ADAMTSL3: variants seen among roughly 807,000 people sequenced by gnomAD.
ADAMTSL3 encodes the protein ADAMTS like 3.
ADAMTSL3 carries 128 observed loss-of-function variants against 201.7 expected under a neutral mutation model. The ratio of observed to expected loss-of-function variants is 0.63; its 90% CI spans 0.55 to 0.73. ADAMTSL3 has a LOEUF of 0.73. ADAMTSL3 is among the 30% of genes least tolerant of loss of function. The pLI, the probability that ADAMTSL3 is intolerant of heterozygous loss-of-function variation, is 0.00. For missense variants in ADAMTSL3, 1,990 were observed against 2,119.6 expected (o/e 0.94, Z 1.20); for synonymous variants, 738 against 748.4 (o/e 0.99, Z 0.23).
intron 2 of ADAMTSL3, among the ~76,000 whole-genome samples, chr15:83,681,195 A>AT (rs1436194002): frequency 6.6e-6 from 1 of 152,124 alleles, no homozygotes; most frequent in Admixed American, 6.6e-5. Flanking sequence ...TACAGAAAGG[A>AT]TTTTTTCTTG....
chr15:83,896,996 G>A (rs2065628075), intron 13 of ADAMTSL3, among the ~76,000 whole-genome samples: 1 of 152,116 alleles, frequency 6.6e-6, no homozygotes, highest in Admixed American at 6.5e-5. Context: ...ACTATCATGA[G>A]ACCAGCATGG....
intron 8 of ADAMTSL3, 135 bp from the exon 9 acceptor site, chr15:83,870,667 T>C (rs2065063384): frequency 1.4e-6 from 1 of 698,666 alleles, no homozygotes; most frequent in East Asian, 3.1e-5. Context: ...CCAATATCAA[T>C]GAATGTTTGT....
intron 2 of ADAMTSL3, among the ~76,000 whole-genome samples, chr15:83,670,211 T>C (rs2061311849): frequency 7.6e-6 from 1 of 132,374 alleles, no homozygotes; most frequent in African/African-American, 3.0e-5. Context: ...TGAGCTGAGA[T>C]TGCGCCACTG....
chr15:83,806,275 C>G (rs2063601570), intron 5 of ADAMTSL3, among the ~76,000 whole-genome samples: 2 of 152,170 alleles, frequency 1.3e-5, no homozygotes, highest in African/African-American at 4.8e-5. Context: ...CATGTACCTC[C>G]AGCTTAAGAA....
intron 17 of ADAMTSL3, among the ~76,000 whole-genome samples, chr15:83,925,386 T>C (rs1031768482): frequency 6.6e-6 from 1 of 152,224 alleles, no homozygotes; most frequent in African/African-American, 2.4e-5. Context: ...TAGAGCCATC[T>C]GGCTGTGCGT....
chr15:83,661,777 C>A (rs1339628701), intron 2 of ADAMTSL3, among the ~76,000 whole-genome samples: 1 of 151,126 alleles, frequency 6.6e-6, no homozygotes, highest in Admixed American at 6.6e-5. Flanking sequence ...TGAACAGAAA[C>A]TTCTCAAAAG....
chr15:83,695,234 GTGT>G (rs2061669134), intron 2 of ADAMTSL3, among the ~76,000 whole-genome samples: 2 of 660 alleles, frequency 3.0e-3, no homozygotes, highest in African/African-American at 5.2e-3. Flanking sequence ...TGTAATGTGT[GTGT>G]GTGTGTGTGT....
intron 3 of ADAMTSL3, among the ~76,000 whole-genome samples, chr15:83,746,088 G>T (rs1031686861): frequency 6.6e-6 from 1 of 152,130 alleles, no homozygotes; most frequent in African/African-American, 2.4e-5. Context: ...TACTCAGTGG[G>T]TTGGCCGTTC....
chr15:83,864,150 C>T (rs2064926315), intron 8 of ADAMTSL3, among the ~76,000 whole-genome samples: 1 of 152,088 alleles, frequency 6.6e-6, no homozygotes, highest in South Asian at 2.1e-4. Flanking sequence ...AAGTCCAGGA[C>T]CAGATGGATT....
At chr15:83,751,128 T>C (rs1244523248) in intron 3 of ADAMTSL3, among the ~76,000 whole-genome samples, 1 of 152,196 alleles carries the variant, frequency 6.6e-6, no homozygotes, top group Admixed American at 6.5e-5. Flanking sequence ...TGGTTTGTTC[T>C]GTAATTACAG....
At chr15:83,934,767 A>C (rs2066430777) in intron 17 of ADAMTSL3, among the ~76,000 whole-genome samples, 1 of 152,188 alleles carries the variant, frequency 6.6e-6, no homozygotes, top group Non-Finnish European at 1.5e-5. Flanking sequence ...ATTCATCCAA[A>C]AATACCCCCA....
At chr15:83,751,775 A>G (rs971375794) in intron 3 of ADAMTSL3, among the ~76,000 whole-genome samples, 1 of 152,178 alleles carries the variant, frequency 6.6e-6, no homozygotes, top group East Asian at 1.9e-4. Context: ...CTTGCTCCTC[A>G]TTCATCCCCT....
At chr15:83,995,028 C>T (rs745510882) in intron 23 of ADAMTSL3, among the ~76,000 whole-genome samples, 5 of 152,254 alleles carry the variant, frequency 3.3e-5, no homozygotes, top group Non-Finnish European at 5.9e-5. Flanking sequence ...TCTCACCAAG[C>T]CCCCTTGAAA....
chr15:83,705,188 C>T (rs1377352026), intron 3 of ADAMTSL3, among the ~76,000 whole-genome samples: 4 of 152,156 alleles, frequency 2.6e-5, no homozygotes, highest in African/African-American at 9.7e-5. Flanking sequence ...TTGCCTAATG[C>T]AAAGCTGGTA....
chr15:83,751,492 A>G (rs2062635890), intron 3 of ADAMTSL3, among the ~76,000 whole-genome samples: 1 of 152,138 alleles, frequency 6.6e-6, no homozygotes, highest in Admixed American at 6.5e-5. Flanking sequence ...AAGTAAGTCA[A>G]GCGTAAGAGG....
At chr15:83,877,115 T>C (rs2065191684) in intron 9 of ADAMTSL3, among the ~76,000 whole-genome samples, 1 of 152,144 alleles carries the variant, frequency 6.6e-6, no homozygotes, top group African/African-American at 2.4e-5. Context: ...AAAAAATTTT[T>C]TTTTTGTAGT....
chr15:83,733,158 C>T (rs1596108166), intron 3 of ADAMTSL3, among the ~76,000 whole-genome samples: 1 of 152,046 alleles, frequency 6.6e-6, no homozygotes, highest in East Asian at 1.9e-4. Context: ...TTAAACCCTC[C>T]GAAACAAAAA....
intron 17 of ADAMTSL3, among the ~76,000 whole-genome samples, chr15:83,925,273 T>C (rs2066226067): frequency 6.6e-6 from 1 of 152,112 alleles, no homozygotes; most frequent in Admixed American, 6.5e-5. Context: ...CTTGGTGAAA[T>C]CACACCCGCC....
At position 84,031,323 on chromosome 15, in the gene ADAMTSL3, T is replaced by G. The variant is rs759152052; in HGVS notation, c.4657-12T>G. ...TGCAGGATTTACACTGCACTGTGCT[T>G]TTTTGTTCCAGTGTCCTGGACGTTG... On this transcript the variant is annotated splice_polypyrimidine_tract_variant and intron_variant, in intron 27 of 29. Transcript: ENST00000286744. The G allele has an allele frequency of 6.2e-5, 100 of 1,613,346 alleles. No individual in the cohort carries two copies. The highest frequency in any genetic ancestry group is 8.4e-5 in the Non-Finnish European group (99 of 1,179,870).
Sources: allele counts gnomAD v4.1 joint callset (sites outside exome capture counted in the v4.1 genomes callset), GRCh38; gene constraint gnomAD v4.1.1; transcripts MANE v1.5; gene names NCBI Gene and HGNC (gene_info 2026-07-23, HGNC 2026-07-21).